Variants in FUT8 observed in about 807,000 individuals in gnomAD.
FUT8 encodes alpha-(1,6)-fucosyltransferase.
Under a neutral mutation model 71.3 loss-of-function variants are expected in FUT8, and 29 were observed. The ratio of observed to expected loss-of-function variants is 0.41; its 90% CI spans 0.30 to 0.55. The LOEUF is 0.55. Ranked by LOEUF, FUT8 falls within the 20% of genes least tolerant of loss-of-function variation. The probability of loss-of-function intolerance (pLI) is 0.34; values close to 1 mark genes in which losing one functional copy is unlikely to be tolerated. For missense variants in FUT8, 544 were observed against 702.1 expected, an observed-to-expected ratio of 0.77 and a Z score of 2.55; for synonymous variants, 254 against 239.3, an observed-to-expected ratio of 1.06 and a Z score of -0.57.
intron 1 of FUT8, among the ~76,000 whole-genome samples, chr14:65,431,612 C>A (rs1183138494): frequency 6.6e-6 from 1 of 151,676 alleles, no homozygotes; most frequent in Non-Finnish European, 1.5e-5. Flanking sequence ...CACTCTACTT[C>A]TTCCTAGGGC....
chr14:65,399,253 G>T, the FUT8 span, among the ~76,000 whole-genome samples: 1 of 152,096 alleles, frequency 6.6e-6, no homozygotes, highest in South Asian at 2.1e-4. Context: ...AGAGGCGGAG[G>T]TTGCAGTGAG....
intron 10 of FUT8, among the ~76,000 whole-genome samples, chr14:65,736,469 A>G (rs1240904077): frequency 6.6e-6 from 1 of 151,618 alleles, no homozygotes; most frequent in African/African-American, 2.4e-5. Context: ...AAGAAGAGGA[A>G]CTGTTAACAT....
intron 6 of FUT8, among the ~76,000 whole-genome samples, chr14:65,630,353 T>C (rs1010747980): frequency 6.6e-6 from 1 of 152,214 alleles, no homozygotes; most frequent in Non-Finnish European, 1.5e-5. Flanking sequence ...TCTTTTCTAG[T>C]TCTTATTAAT....
chr14:65,560,550 A>G (rs1885865043), intron 2 of FUT8, among the ~76,000 whole-genome samples: 1 of 152,162 alleles, frequency 6.6e-6, no homozygotes, highest in East Asian at 1.9e-4. Flanking sequence ...TTTGTTTCCA[A>G]GGGAATTCTA....
intron 2 of FUT8, among the ~76,000 whole-genome samples, chr14:65,522,867 C>T (rs1883180392): frequency 6.6e-6 from 1 of 152,060 alleles, no homozygotes; most frequent in Non-Finnish European, 1.5e-5. Flanking sequence ...ATGATGGTTT[C>T]CAGCTTCATC....
chr14:65,717,521 A>AC (rs1895178196), intron 7 of FUT8, among the ~76,000 whole-genome samples: 1 of 54,960 alleles, frequency 1.8e-5, no homozygotes, highest in Non-Finnish European at 3.5e-5. Context: ...CTCCCAGACG[A>AC]AGGGCGGCCG....
At chr14:65,702,497 G>A (rs1339134124) in intron 7 of FUT8, among the ~76,000 whole-genome samples, 1 of 152,140 alleles carries the variant, frequency 6.6e-6, no homozygotes, top group Non-Finnish European at 1.5e-5. Context: ...TAGAGAGCTG[G>A]GACAAGGAGG....
At position 65,662,845 on chromosome 14, in the gene FUT8, A is replaced by G. The variant is rs543462650; in HGVS notation, c.598-6398A>G. ...ATAACAGAACCTTCACTGGACCAAA[A>G]TCATATCTTTAACCTCTCTATCCAA... On this transcript the variant is annotated intron_variant, in intron 6 of 10. Transcript: ENST00000673929. 2.0e-5 allele frequency among the ~76,000 whole-genome samples: 3 copies of G among 152,290 alleles called. No individual in the cohort carries two copies. In the South Asian group the frequency reaches 6.2e-4, roughly 32 times the overall value.
At chr14:65,409,634 A>C (rs2065102547), upstream of FUT8, among the ~76,000 whole-genome samples, 1 of 152,180 alleles carries the variant, frequency 6.6e-6, no homozygotes, top group Admixed American at 6.5e-5. This position sits in a 1 kb window ranked among gnomAD's most constrained non-coding sequence, Gnocchi z 5.4. Flanking sequence ...TCTCTCAATA[A>C]AATGGCCACT....
At chr14:65,614,306 T>C (rs1020909106) in intron 3 of FUT8, among the ~76,000 whole-genome samples, 3 of 152,206 alleles carry the variant, frequency 2.0e-5, no homozygotes, top group African/African-American at 7.2e-5. Context: ...CAGACACTGC[T>C]AAGTACTTTT....
At chr14:65,537,798 C>T (rs1055448117) in intron 2 of FUT8, among the ~76,000 whole-genome samples, 8 of 152,136 alleles carry the variant, frequency 5.3e-5, no homozygotes, top group Admixed American at 4.6e-4. Context: ...TTCTGTTTGA[C>T]GACCTTGGGG....
chr14:65,695,513 C>T (rs987216567), intron 7 of FUT8, among the ~76,000 whole-genome samples: 2 of 152,000 alleles, frequency 1.3e-5, no homozygotes, highest in South Asian at 4.1e-4. Context: ...ATTTTTCTTG[C>T]TCTGAAATCT....
intron 7 of FUT8, among the ~76,000 whole-genome samples, chr14:65,718,177 G>T (rs1041626540): frequency 1.3e-5 from 2 of 151,894 alleles, no homozygotes; most frequent in African/African-American, 2.4e-5. Flanking sequence ...TTTAGTGAAG[G>T]TGATTTTCTC....
At chr14:65,450,936 A>G (rs2065814094) in intron 1 of FUT8, among the ~76,000 whole-genome samples, 1 of 151,104 alleles carries the variant, frequency 6.6e-6, no homozygotes, top group Non-Finnish European at 1.5e-5. Flanking sequence ...CGCTCACTGC[A>G]AGCTCCGCCT....
At chr14:65,599,344 T>C (rs1386164756) in intron 3 of FUT8, among the ~76,000 whole-genome samples, 3 of 152,214 alleles carry the variant, frequency 2.0e-5, no homozygotes, top group African/African-American at 7.2e-5. Context: ...CTTCTAACAG[T>C]GGTTCACCTC....
At chr14:65,639,335 C>T (rs766740824) in intron 6 of FUT8, among the ~76,000 whole-genome samples, 2 of 152,072 alleles carry the variant, frequency 1.3e-5, no homozygotes, top group Non-Finnish European at 2.9e-5. Context: ...CTTGTGGGAG[C>T]GTAGGTCCAA....
rs183684137 is a variant in FUT8, at chr14:65,627,917, G to A, written c.483-1575G>A. On this transcript the variant is annotated intron_variant, in intron 5 of 10. Transcript: ENST00000673929. This position sits in a 1 kb window ranked among gnomAD's most constrained non-coding sequence, Gnocchi z 4.0. ...ACCTGATGGTCGCCTGACATTGCTT[G>A]GAGGTTAAGGGGGTGCCTTCTTCTG... 1.3e-3 allele frequency among the ~76,000 whole-genome samples: 198 copies of A among 152,216 alleles called. 6 individuals carry two copies. Among genetic ancestry groups the A allele is most frequent in the Non-Finnish European group, 1.4e-3 (97 of 68,014 alleles).
intron 7 of FUT8, among the ~76,000 whole-genome samples, chr14:65,718,137 C>A (rs1383975407): frequency 6.6e-6 from 1 of 151,798 alleles, no homozygotes; most frequent in Non-Finnish European, 1.5e-5. Context: ...GTGGTCTTCT[C>A]TTCCTTCTTT....
At chr14:65,670,190 A>G (rs1892408856) in intron 7 of FUT8, among the ~76,000 whole-genome samples, 1 of 152,152 alleles carries the variant, frequency 6.6e-6, no homozygotes, top group Non-Finnish European at 1.5e-5. Flanking sequence ...ATAGAAAAGA[A>G]TTTCTTACCG....
Sources: gnomAD v4.1 joint callset for allele counts (sites outside exome capture counted in the v4.1 genomes callset) on GRCh38, gnomAD v4.1.1 for gene constraint, Gnocchi (gnomAD v3.1) non-coding constraint, MANE v1.5 for transcripts, NCBI Gene and HGNC (gene_info 2026-07-23, HGNC 2026-07-21) for gene names.